The following FRMD3 variants were observed in gnomAD, a reference collection of about 807,000 sequenced individuals.
FRMD3 encodes the protein FERM domain-containing protein 3.
A neutral mutation model predicts 70.2 loss-of-function variants in FRMD3; 33 were observed. That is an observed-to-expected ratio of 0.47 (90% CI 0.36 to 0.63). The LOEUF (loss-of-function observed/expected upper bound fraction) is 0.63, where lower values mean the gene tolerates loss of function less well. Ranked by LOEUF, FRMD3 falls within the 20% of genes least tolerant of loss-of-function variation. The pLI is 0.00. For missense variants in FRMD3, 632 were observed against 711.4 expected (o/e 0.89, Z 1.27); for synonymous variants, 279 against 255.9 (o/e 1.09, Z -0.86).
chr9:83,579,291 C>G, the FRMD3 span, among the ~76,000 whole-genome samples: 2 of 149,270 alleles, frequency 1.3e-5, no homozygotes, highest in Non-Finnish European at 3.0e-5. Flanking sequence ...TGTCAGCTTT[C>G]AGAGAAATGT....
rs1453874229 is a variant in FRMD3 at position 83,247,734 on chromosome 9, C to T, written c.*184G>A. The T allele has an allele frequency of 4.9e-6, 7 of 1,428,148 alleles. No homozygotes were observed. The highest frequency in any genetic ancestry group is 6.4e-6 in the Non-Finnish European group (7 of 1,090,068). The allele number at this position is 1,428,148 out of a possible 1,614,324, so 88.5% of individuals were successfully genotyped here. ...TCTTCCTAACCTGTAACTAAAATAA[C>T]TGTATTTGATTTAAACTTATTTAAG... On this transcript the variant is annotated 3_prime_UTR_variant, in exon 14 of 14. Coordinates refer to ENST00000304195, the MANE Select transcript of FRMD3 (RefSeq NM_174938.6).
At chr9:83,514,537 T>C (rs939328237) in intron 1 of FRMD3, among the ~76,000 whole-genome samples, 1 of 152,186 alleles carries the variant, frequency 6.6e-6, no homozygotes, top group Non-Finnish European at 1.5e-5. Flanking sequence ...TGGGCGCAGC[T>C]TCAGCAGACT....
intron 4 of FRMD3, among the ~76,000 whole-genome samples, chr9:83,347,317 C>T (rs1410686840): frequency 3.3e-5 from 5 of 151,964 alleles, no homozygotes; most frequent in Admixed American, 6.5e-5. Flanking sequence ...ATAATAGCTA[C>T]CAAAAAATAA....
intron 6 of FRMD3, among the ~76,000 whole-genome samples, chr9:83,329,854 G>T (rs543743987): frequency 6.6e-6 from 1 of 152,324 alleles, no homozygotes; most frequent in African/African-American, 2.4e-5. Flanking sequence ...TGACAAACCT[G>T]ATGAACTGGT....
intron 1 of FRMD3, among the ~76,000 whole-genome samples, chr9:83,399,763 C>T (rs371143826): frequency 1.3e-5 from 2 of 152,098 alleles, no homozygotes; most frequent in African/African-American, 4.8e-5. Context: ...AAATAAATAA[C>T]TTCCTCAACT....
At chr9:83,534,360 T>G (rs1829848345) in intron 1 of FRMD3, among the ~76,000 whole-genome samples, 1 of 152,212 alleles carries the variant, frequency 6.6e-6, no homozygotes, top group Non-Finnish European at 1.5e-5. Context: ...ACCACTAGGT[T>G]GTGTGTTTGA....
intron 1 of FRMD3, among the ~76,000 whole-genome samples, chr9:83,452,972 A>T (rs188654035): frequency 4.7e-5 from 7 of 147,460 alleles, no homozygotes; most frequent in African/African-American, 1.8e-4. Flanking sequence ...CTCTTGCCTC[A>T]GCCTCTTGAG....
intron 13 of FRMD3, among the ~76,000 whole-genome samples, chr9:83,271,659 G>A (rs59739378): frequency 0.033 from 5,005 of 152,180 alleles, 177 homozygotes; most frequent in African/African-American, 0.092. Flanking sequence ...ACAAAACCCT[G>A]GAAATGCATA....
chr9:83,290,538 G>A (rs1043595398), intron 13 of FRMD3, 65 bp downstream of exon 13: 42 of 1,585,488 alleles, frequency 2.6e-5, no homozygotes, highest in Middle Eastern at 1.7e-4. Flanking sequence ...CAGAATTGGC[G>A]CCTCCCTTGT....
intron 5 of FRMD3, among the ~76,000 whole-genome samples, chr9:83,340,418 C>T (rs1360564799): frequency 2.6e-5 from 4 of 152,162 alleles, no homozygotes; most frequent in Non-Finnish European, 5.9e-5. Flanking sequence ...CACAACAGGG[C>T]TCTGAGAAAG....
intron 2 of FRMD3, among the ~76,000 whole-genome samples, chr9:83,388,152 C>T (rs1454332412): frequency 6.6e-6 from 1 of 152,128 alleles, no homozygotes; most frequent in Non-Finnish European, 1.5e-5. Context: ...AACTTGGGTC[C>T]CTAGGACTCC....
intron 2 of FRMD3, among the ~76,000 whole-genome samples, chr9:83,382,575 C>T (rs762265944): frequency 6.6e-6 from 1 of 152,138 alleles, no homozygotes; most frequent in Non-Finnish European, 1.5e-5. Flanking sequence ...GATGCCAAAG[C>T]TTTTAGCACC....
At chr9:83,505,857 G>A (rs60961568) in intron 1 of FRMD3, among the ~76,000 whole-genome samples, 39,642 of 152,014 alleles carry the variant, frequency 0.26, 5,946 homozygotes, top group African/African-American at 0.41. Context: ...AAGGTCCTCC[G>A]TGATCCCGGA....
chr9:83,438,776 T>A (rs1678186971), intron 1 of FRMD3, among the ~76,000 whole-genome samples: 1 of 152,168 alleles, frequency 6.6e-6, no homozygotes, highest in Admixed American at 6.5e-5. Flanking sequence ...CCAAACAACC[T>A]CGCTGGGTGC....
chr9:83,381,508 A>G (rs1195637191), intron 2 of FRMD3, among the ~76,000 whole-genome samples: 1 of 151,924 alleles, frequency 6.6e-6, no homozygotes, highest in Non-Finnish European at 1.5e-5. Context: ...GTGAGCCTAG[A>G]TCCTGCCACT....
intron 13 of FRMD3, among the ~76,000 whole-genome samples, chr9:83,274,245 C>T (rs1248866451): frequency 8.5e-5 from 13 of 152,178 alleles, no homozygotes; most frequent in Admixed American, 7.2e-4. Context: ...CAACACAGGA[C>T]TTCTATTTAA....
At chr9:83,438,347 G>A (rs546365560) in intron 1 of FRMD3, among the ~76,000 whole-genome samples, 2 of 152,232 alleles carry the variant, frequency 1.3e-5, no homozygotes, top group South Asian at 2.1e-4. Flanking sequence ...GTCTCGACAC[G>A]GTATTTAGGG....
chr9:83,485,164 A>G lies in FRMD3; in HGVS notation c.147+52921T>C, dbSNP rs138490037. On this transcript the variant is annotated intron_variant, in intron 1 of 13. Coordinates refer to ENST00000304195, the MANE Select transcript of FRMD3 (RefSeq NM_174938.6). ...AGGGGCTGGGAAAGCCCATACAGAC[A>G]ACAAACCTGAGTTACGCTCATTTCA... is the stretch of plus-strand genomic sequence containing the variant. 7.5e-3 allele frequency among the ~76,000 whole-genome samples: 1,139 copies of G among 152,328 alleles called. 20 individuals carry two copies. Among genetic ancestry groups the G allele is most frequent in the African/African-American group, 0.026 (1,096 of 41,584 alleles).
At chr9:83,392,685 C>T (rs1356554106) in intron 1 of FRMD3, among the ~76,000 whole-genome samples, 1 of 152,154 alleles carries the variant, frequency 6.6e-6, no homozygotes, top group Non-Finnish European at 1.5e-5. Context: ...GAAGGAAGCA[C>T]TTTCCACAAG....
Sources: gnomAD v4.1 joint callset for allele counts (sites outside exome capture counted in the v4.1 genomes callset) on GRCh38, gnomAD v4.1.1 for gene constraint, MANE v1.5 for transcripts, NCBI Gene and HGNC (gene_info 2026-07-23, HGNC 2026-07-21) for gene names.